Variants in NKAIN3 observed in about 807,000 individuals in gnomAD.
The protein encoded by NKAIN3 is sodium/potassium transporting ATPase interacting 3.
In NKAIN3, 25 loss-of-function variants were observed where a neutral mutation model predicts 30.2. The ratio of observed to expected loss-of-function variants is 0.83; its 90% CI spans 0.60 to 1.16. The LOEUF is 1.16. NKAIN3 is among the 50% of genes most tolerant of loss of function. NKAIN3 has a pLI of 0.00. For missense variants in NKAIN3, 225 were observed against 254.1 expected, an observed-to-expected ratio of 0.89 and a Z score of 0.78; for synonymous variants, 91 against 89.6, an observed-to-expected ratio of 1.02 and a Z score of -0.09.
At chr8:62,771,580 T>A (rs573534519) in intron 4 of NKAIN3, among the ~76,000 whole-genome samples, 10 of 151,730 alleles carry the variant, frequency 6.6e-5, no homozygotes, top group African/African-American at 2.4e-4. Flanking sequence ...GAAAGAGAGA[T>A]GAGAGAGTAA....
In NKAIN3 at chr8:62,534,586, C is replaced by T. The variant is rs1413999726; in HGVS notation, c.55-44953C>T. On this transcript the variant is annotated intron_variant, in intron 1 of 6. Transcript: ENST00000623646. The stretch of plus-strand genomic sequence containing the variant: ...ATTGAAAACATAACACAGCGGTTTT[C>T]ATACTTCAGCATGCAGCCAAAGGGC... Among the ~76,000 whole-genome samples, 3 of 152,312 alleles carry T rather than the reference C, an allele frequency of 2.0e-5. No individual in the cohort carries two copies. The East Asian group carries it at 5.8e-4, about 29-fold the overall frequency.
At chr8:62,995,105 C>T (rs1804078135) in intron 5 of NKAIN3, among the ~76,000 whole-genome samples, 1 of 152,202 alleles carries the variant, frequency 6.6e-6, no homozygotes, top group South Asian at 2.1e-4. Context: ...TACATTTGCA[C>T]ATTCCCATCC....
chr8:62,863,753 A>G (rs1586283610), intron 4 of NKAIN3: 2 of 1,606,684 alleles, frequency 1.2e-6, no homozygotes, highest in Non-Finnish European at 1.7e-6. Flanking sequence ...TTTCCCCTAC[A>G]TATCCCAGCA....
chr8:62,668,419 A>G (rs1449503267), intron 3 of NKAIN3, among the ~76,000 whole-genome samples: 2 of 152,198 alleles, frequency 1.3e-5, no homozygotes, highest in Non-Finnish European at 2.9e-5. Context: ...TTTAGTAGAG[A>G]GTAAATTATT....
intron 3 of NKAIN3, among the ~76,000 whole-genome samples, chr8:62,720,862 G>A (rs558641289): frequency 2.4e-4 from 36 of 152,312 alleles, no homozygotes; most frequent in African/African-American, 8.4e-4. Flanking sequence ...TGGCTGATAT[G>A]TTTTCAGCAC....
At chr8:62,618,810 G>A (rs4738985) in intron 3 of NKAIN3, among the ~76,000 whole-genome samples, 73,104 of 151,898 alleles carry the variant, frequency 0.48, 20,673 homozygotes, top group African/African-American at 0.79. Context: ...AGAAGCTGAG[G>A]CAGGAGGATT....
At chr8:62,888,677 T>A (rs1821216616) in intron 4 of NKAIN3, among the ~76,000 whole-genome samples, 2 of 152,198 alleles carry the variant, frequency 1.3e-5, no homozygotes, top group Admixed American at 6.5e-5. Context: ...ACCAGAAATG[T>A]AACCTTTAAA....
chr8:62,518,854 TCTG>T (rs142144757), intron 1 of NKAIN3, among the ~76,000 whole-genome samples: 2,068 of 152,250 alleles, frequency 0.014, 34 homozygotes, highest in African/African-American at 0.044. Context: ...AGCTCAGATT[TCTG>T]CTAACTAGCT....
intron 1 of NKAIN3, among the ~76,000 whole-genome samples, chr8:62,277,959 C>A (rs1813020362): frequency 6.6e-6 from 1 of 151,922 alleles, no homozygotes; most frequent in Non-Finnish European, 1.5e-5. Flanking sequence ...AGAGCAAGAA[C>A]CTGGAGCCCA....
intron 4 of NKAIN3, among the ~76,000 whole-genome samples, chr8:62,764,510 G>A (rs1485691412): frequency 2.0e-5 from 3 of 151,824 alleles, no homozygotes; most frequent in African/African-American, 7.3e-5. Flanking sequence ...CTGTTGCCCA[G>A]GCTGGAGTGC....
intron 3 of NKAIN3, among the ~76,000 whole-genome samples, chr8:62,725,667 T>C (rs1442855677): frequency 6.6e-6 from 1 of 152,126 alleles, no homozygotes; most frequent in African/African-American, 2.4e-5. Flanking sequence ...ACTGTAGATG[T>C]ACGGATTTAT....
chr8:62,634,063 C>A (rs1812051060), intron 3 of NKAIN3, among the ~76,000 whole-genome samples: 1 of 152,024 alleles, frequency 6.6e-6, no homozygotes, highest in Admixed American at 6.6e-5. Context: ...CAATTGAAAC[C>A]AGCCCAATTG....
At chr8:62,896,031 T>C (rs903787102) in intron 4 of NKAIN3, among the ~76,000 whole-genome samples, 17 of 152,002 alleles carry the variant, frequency 1.1e-4, no homozygotes, top group African/African-American at 4.1e-4. Flanking sequence ...AACGTTGATG[T>C]CTCAGTCAAT....
chr8:62,359,200 G>A (rs907590909), intron 1 of NKAIN3, among the ~76,000 whole-genome samples: 3 of 152,038 alleles, frequency 2.0e-5, no homozygotes, highest in South Asian at 4.2e-4. Context: ...TATATTACTA[G>A]TTCCCATCTA....
At chr8:62,828,119 G>C (rs952902929) in intron 4 of NKAIN3, among the ~76,000 whole-genome samples, 5 of 151,962 alleles carry the variant, frequency 3.3e-5, no homozygotes, top group African/African-American at 1.2e-4. Context: ...GCTATCTATT[G>C]ATATATGCAA....
chr8:62,822,114 G>T (rs1818865986), intron 4 of NKAIN3, among the ~76,000 whole-genome samples: 1 of 152,050 alleles, frequency 6.6e-6, no homozygotes, highest in Admixed American at 6.6e-5. Context: ...TGATCAAGGT[G>T]GAAAAATCTT....
intron 3 of NKAIN3, among the ~76,000 whole-genome samples, chr8:62,690,530 G>A (rs16929409): frequency 0.033 from 5,054 of 152,324 alleles, 113 homozygotes; most frequent in Middle Eastern, 0.071. Flanking sequence ...TCACTGGAAA[G>A]CATGGAGTAT....
rs879838773 is a variant in NKAIN3, at chr8:62,966,518, A to G, written c.*1111A>G. 7.7e-6 allele frequency: 3 copies of G among 389,720 alleles called. No homozygotes were observed. The Admixed American group carries it at 1.9e-4, about 25-fold the overall frequency. The allele number at this position is 389,720 out of a possible 1,614,324, so 24.1% of individuals were successfully genotyped here. A position where few individuals can be genotyped will look rare whatever the true frequency, so the allele number is the denominator to read the frequency against. ...TTTGAAAAATGTACATACCCATGTA[A>G]CCAAGGCCTCAATCAAAATGCAGAA... On this transcript the variant is annotated 3_prime_UTR_variant, in exon 7 of 7. Coordinates refer to ENST00000623646, the MANE Select transcript of NKAIN3 (RefSeq NM_001304533.3).
At chr8:62,500,702 G>T (rs1307164173) in intron 1 of NKAIN3, among the ~76,000 whole-genome samples, 1 of 152,154 alleles carries the variant, frequency 6.6e-6, no homozygotes, top group South Asian at 2.1e-4. Context: ...ATGGGTTTGG[G>T]CAGGAAGGGA....
Sources: allele counts gnomAD v4.1 joint callset (sites outside exome capture counted in the v4.1 genomes callset), GRCh38; gene constraint gnomAD v4.1.1; transcripts MANE v1.5; gene names NCBI Gene and HGNC (gene_info 2026-07-23, HGNC 2026-07-21).